ARSG: variants seen among roughly 807,000 people sequenced by gnomAD.
ARSG encodes ASG.
ARSG carries 37 observed loss-of-function variants against 50.5 expected under a neutral mutation model. That is an observed-to-expected ratio of 0.73 (90% CI 0.56 to 0.96). The LOEUF is 0.96. Ranked by LOEUF, ARSG falls within the 50% of genes least tolerant of loss-of-function variation. The pLI is 0.00. For missense variants in ARSG, 629 were observed against 675.3 expected (o/e 0.93, Z 0.76); for synonymous variants, 225 against 254.6 (o/e 0.88, Z 1.11).
intron 4 of ARSG, among the ~76,000 whole-genome samples, chr17:68,347,724 T>C (rs2078577814): frequency 6.6e-6 from 1 of 152,210 alleles, no homozygotes. Flanking sequence ...TACTGATGGT[T>C]TTTCAAAGTT....
intron 1 of ARSG, among the ~76,000 whole-genome samples, chr17:68,292,719 C>G (rs1474357477): frequency 4.6e-5 from 7 of 152,072 alleles, no homozygotes; most frequent in Non-Finnish European, 7.4e-5. Context: ...TGAGTTCTCT[C>G]ACCATTTTGG....
At chr17:68,380,459 G>A (rs771454523) in intron 8 of ARSG, among the ~76,000 whole-genome samples, 31 of 152,004 alleles carry the variant, frequency 2.0e-4, no homozygotes, top group East Asian at 3.9e-4. Flanking sequence ...GTAGAGACAC[G>A]GGTCTCACTA....
At chr17:68,292,190 T>A (rs1360481047) in intron 1 of ARSG, among the ~76,000 whole-genome samples, 5 of 151,806 alleles carry the variant, frequency 3.3e-5, no homozygotes, top group Non-Finnish European at 7.4e-5. Flanking sequence ...GCGAAAGGAA[T>A]GTGAGCAGCC....
chr17:68,264,656 C>T (rs563802453), intron 1 of ARSG, among the ~76,000 whole-genome samples: 5 of 151,892 alleles, frequency 3.3e-5, no homozygotes, highest in African/African-American at 9.6e-5. Context: ...AGGCTGGTCT[C>T]GAACTCCCAA....
chr17:68,429,021 A>G, the ARSG span: 1 of 994,964 alleles, frequency 1.0e-6, no homozygotes, highest in East Asian at 2.6e-5. Flanking sequence ...CCCTCACCCT[A>G]GCTGTCACCA....
At chr17:68,329,881 A>G (rs1019903205) in intron 2 of ARSG, among the ~76,000 whole-genome samples, 4 of 152,214 alleles carry the variant, frequency 2.6e-5, no homozygotes, top group Non-Finnish European at 5.9e-5. Context: ...CATTCAAGCT[A>G]TCCTGGGCTG....
At chr17:68,324,070 CAAAAAAA>C (rs57040262) in intron 2 of ARSG, among the ~76,000 whole-genome samples, 8 of 89,824 alleles carry the variant, frequency 8.9e-5, no homozygotes, top group South Asian at 4.3e-4. Context: ...AAAACTCCAT[CAAAAAAA>C]AAAAAAAAAA....
intron 1 of ARSG, chr17:68,278,116 T>C (rs1555751584): frequency 1.9e-6 from 3 of 1,613,846 alleles, no homozygotes; most frequent in Admixed American, 1.7e-5. Flanking sequence ...AACACACAGA[T>C]TGAGATTATC....
chr17:68,283,887 A>C (rs548326338), intron 1 of ARSG, among the ~76,000 whole-genome samples: 40 of 150,568 alleles, frequency 2.7e-4, no homozygotes, highest in African/African-American at 8.8e-4. Flanking sequence ...TCAAAAAAAA[A>C]AAAAAAAAAA....
downstream of ARSG, chr17:68,426,252 G>GGGGGGGGGGGGGGT: frequency 8.5e-6 from 7 of 828,186 alleles, 2 homozygotes; most frequent in South Asian, 2.7e-5. Flanking sequence ...TGGGGAGCGG[G>GGGGGGGGGGGGGGT]GGCTCAAATA....
At chr17:68,297,973 T>TTG (rs1555759029) in intron 1 of ARSG, among the ~76,000 whole-genome samples, 1 of 150,750 alleles carries the variant, frequency 6.6e-6, no homozygotes, top group Non-Finnish European at 1.5e-5. Context: ...GTGACTCTTT[T>TTG]TTTTTTTTTT....
chr17:68,336,538 T>C (rs1158679563), intron 2 of ARSG, among the ~76,000 whole-genome samples: 1 of 152,056 alleles, frequency 6.6e-6, no homozygotes, highest in Non-Finnish European at 1.5e-5. Flanking sequence ...AAGGGATTAG[T>C]GTGATCAAAT....
intron 1 of ARSG, among the ~76,000 whole-genome samples, chr17:68,275,585 C>G (rs1420844813): frequency 2.6e-5 from 4 of 152,080 alleles, no homozygotes; most frequent in Non-Finnish European, 5.9e-5. Flanking sequence ...AAAACTTAAG[C>G]TTTGGGATTT....
rs765887943 is a variant in ARSG, at chr17:68,351,603, T to G, written c.483T>G (p.Tyr161Ter). The G allele has an allele frequency of 1.4e-5, 23 of 1,612,842 alleles. No homozygotes were observed. Among genetic ancestry groups the G allele is most frequent in the Non-Finnish European group, 1.9e-5 (22 of 1,178,920 alleles). ...TTGATTACTACTTTGGAATCCCATA[T>G]AGCCATGATATGGGCTGTACTGATA... Reference protein sequence around the residue: ...RGFDYYFGIPYSHDMGCTDTP... With the variant: ...RGFDYYFGIP Residue 161 changes from tyrosine to a stop codon, truncating the protein, a stop_gained, in exon 5 of 12, where the codon TAT becomes TAG. Transcript: ENST00000621439. LOFTEE classifies it high-confidence loss of function.
At chr17:68,363,397 G>T (rs2079387349) in intron 6 of ARSG, among the ~76,000 whole-genome samples, 2 of 152,148 alleles carry the variant, frequency 1.3e-5, no homozygotes, top group South Asian at 4.1e-4. Context: ...AGGGAAAGCT[G>T]CAAAGACTGG....
At chr17:68,357,139 A>G (rs1290072459) in intron 6 of ARSG, among the ~76,000 whole-genome samples, 2 of 152,172 alleles carry the variant, frequency 1.3e-5, no homozygotes, top group African/African-American at 4.8e-5. Context: ...CACTCTGGGC[A>G]CTCAAGGCAT....
At chr17:68,341,932 G>A (rs1251279628) in intron 2 of ARSG, among the ~76,000 whole-genome samples, 1 of 152,068 alleles carries the variant, frequency 6.6e-6, no homozygotes, top group Non-Finnish European at 1.5e-5. Flanking sequence ...CGATTCTCCT[G>A]CCTCAGCCTC....
At chr17:68,375,019 G>A (rs1028737242) in intron 8 of ARSG, among the ~76,000 whole-genome samples, 3 of 152,128 alleles carry the variant, frequency 2.0e-5, no homozygotes, top group African/African-American at 7.2e-5. Context: ...CAGGAACTAT[G>A]CTTAGTGCTG....
At chr17:68,428,834 G>A in the ARSG span, 55 of 1,612,234 alleles carry the variant, frequency 3.4e-5, 1 homozygote, top group South Asian at 5.8e-4. Context: ...TTCACCTGTG[G>A]GTTTTGATTA....
Sources: allele counts gnomAD v4.1 joint callset (sites outside exome capture counted in the v4.1 genomes callset), GRCh38; gene constraint gnomAD v4.1.1; transcripts MANE v1.5; gene names NCBI Gene and HGNC (gene_info 2026-07-23, HGNC 2026-07-21).